Variants in SAMD4A observed in about 807,000 individuals in gnomAD.
SAMD4A encodes sterile alpha motif domain containing 4A.
SAMD4A carries 33 observed loss-of-function variants against 81.3 expected under a neutral mutation model. The ratio of observed to expected loss-of-function variants is 0.41; its 90% CI spans 0.31 to 0.54. The LOEUF is 0.54. SAMD4A is among the 20% of genes least tolerant of loss of function. The pLI is 0.37. For synonymous variants in SAMD4A, 389 were observed against 382.1 expected (o/e 1.02, Z -0.21); for missense variants, 854 against 951.1 (o/e 0.90, Z 1.34).
chr14:54,743,896 G>C (rs920387258), intron 4 of SAMD4A, among the ~76,000 whole-genome samples: 5 of 152,248 alleles, frequency 3.3e-5, no homozygotes, highest in African/African-American at 1.2e-4. Flanking sequence ...ACAAGCTTCT[G>C]TAACCTTGAC....
At chr14:54,760,857 C>T (rs1455773736) in intron 7 of SAMD4A, among the ~76,000 whole-genome samples, 1 of 152,192 alleles carries the variant, frequency 6.6e-6, no homozygotes, top group Non-Finnish European at 1.5e-5. Context: ...CTCAGCATCT[C>T]ACCCTCTCTC....
chr14:54,590,021 T>G (rs1309933198), intron 2 of SAMD4A, among the ~76,000 whole-genome samples: 2 of 152,234 alleles, frequency 1.3e-5, no homozygotes, highest in Non-Finnish European at 2.9e-5. Flanking sequence ...GTCCATGAGA[T>G]GAGGGTGCTG....
chr14:54,749,267 G>T (rs61977005), intron 5 of SAMD4A, among the ~76,000 whole-genome samples: 10,063 of 152,228 alleles, frequency 0.066, 490 homozygotes, highest in Non-Finnish European at 0.094. Flanking sequence ...ATGCCACAAA[G>T]AATCTACATC....
chr14:54,783,577 T>C (rs2039057217), intron 11 of SAMD4A, among the ~76,000 whole-genome samples: 1 of 152,240 alleles, frequency 6.6e-6, no homozygotes, highest in Non-Finnish European at 1.5e-5. Flanking sequence ...AGTGGGTGTC[T>C]CAGCCCTTGA....
rs753778654 is a variant in SAMD4A, at chr14:54,737,178, C to G, written c.870C>G (p.Pro290=). 13 of 1,614,104 alleles carry G rather than the reference C, an allele frequency of 8.1e-6. No homozygotes were observed. The highest frequency in any genetic ancestry group is 4.5e-5 in the East Asian group (2 of 44,878). Residue 290 remains proline (P), a synonymous_variant, in exon 4 of 13, where the codon CCC becomes CCG. Transcript: ENST00000554335. ...AGTGCCTCCCATCCGATCATGCCCC[C>G]CTGTCTCCACAAAGCAGTGTAGCCT... ...GPQCLPSDHA[P]LSPQSSVASS... is the part of the protein sequence containing the mutation.
intron 2 of SAMD4A, among the ~76,000 whole-genome samples, chr14:54,660,948 A>G (rs1212495947): frequency 2.0e-5 from 3 of 152,216 alleles, no homozygotes; most frequent in Admixed American, 6.5e-5. Context: ...TACACTATTC[A>G]GGCATCTTTT....
chr14:54,571,339 C>A (rs1475084529), intron 2 of SAMD4A, among the ~76,000 whole-genome samples: 1 of 152,152 alleles, frequency 6.6e-6, no homozygotes, highest in Non-Finnish European at 1.5e-5. Context: ...TTCCCAGGAT[C>A]CTTATAACCT....
At chr14:54,772,852 T>G (rs2038742472) in intron 9 of SAMD4A, among the ~76,000 whole-genome samples, 1 of 151,566 alleles carries the variant, frequency 6.6e-6, no homozygotes, top group African/African-American at 2.4e-5. Flanking sequence ...TCGGCCCTTG[T>G]CTCTACCTCA....
chr14:54,582,442 A>T (rs1007339489), intron 2 of SAMD4A, among the ~76,000 whole-genome samples: 5 of 152,196 alleles, frequency 3.3e-5, no homozygotes, highest in Non-Finnish European at 7.4e-5. Context: ...GACAAAGAAG[A>T]TGCCTCAAAG....
At chr14:54,576,001 CTT>C (rs57819180) in intron 2 of SAMD4A, among the ~76,000 whole-genome samples, 4 of 79,992 alleles carry the variant, frequency 5.0e-5, no homozygotes, top group Non-Finnish European at 6.7e-5. Flanking sequence ...TTCTTTCTTT[CTT>C]TTTTTTTTTT....
At chr14:54,569,537 G>T (rs910402975) in intron 2 of SAMD4A, among the ~76,000 whole-genome samples, 3 of 152,170 alleles carry the variant, frequency 2.0e-5, no homozygotes, top group Non-Finnish European at 4.4e-5. Flanking sequence ...CGATGACAGG[G>T]CCCCCTTTGG....
intron 5 of SAMD4A, 61 bp from the exon 6 acceptor site, chr14:54,751,390 C>A: frequency 8.9e-7 from 1 of 1,125,612 alleles, no homozygotes; most frequent in Non-Finnish European, 1.3e-6. Flanking sequence ...AATCTGTAAG[C>A]TGATTCTTAA....
intron 2 of SAMD4A, among the ~76,000 whole-genome samples, chr14:54,666,181 C>T (rs908205296): frequency 6.6e-6 from 1 of 152,098 alleles, no homozygotes; most frequent in African/African-American, 2.4e-5. Flanking sequence ...TGTTCTGGGC[C>T]ACTGAGGTGA....
chr14:54,723,177 T>C (rs2037306506), intron 3 of SAMD4A, among the ~76,000 whole-genome samples: 1 of 152,100 alleles, frequency 6.6e-6, no homozygotes, highest in Admixed American at 6.6e-5. Context: ...ATTTGAAAGA[T>C]TCTGGTTTGA....
intron 2 of SAMD4A, among the ~76,000 whole-genome samples, chr14:54,701,796 C>T (rs1000387458): frequency 1.2e-4 from 19 of 152,192 alleles, no homozygotes; most frequent in African/African-American, 4.6e-4. Flanking sequence ...TTGATTGTAC[C>T]AAAGTAGTTG....
At chr14:54,771,533 C>A (rs753300206) in intron 9 of SAMD4A, among the ~76,000 whole-genome samples, 2 of 152,204 alleles carry the variant, frequency 1.3e-5, no homozygotes. Flanking sequence ...CCCAAGCCCT[C>A]TGGGGTTGCC....
At chr14:54,565,406 C>G (rs898348278), upstream of SAMD4A, among the ~76,000 whole-genome samples, 75 of 152,264 alleles carry the variant, frequency 4.9e-4, no homozygotes, top group Non-Finnish European at 7.1e-4. This position sits in a 1 kb window ranked among gnomAD's most constrained non-coding sequence, Gnocchi z 5.4. Flanking sequence ...CTCAGCCAGG[C>G]GCCGGGCCGG....
At chr14:54,572,993 A>G (rs2033176587) in intron 2 of SAMD4A, among the ~76,000 whole-genome samples, 1 of 152,234 alleles carries the variant, frequency 6.6e-6, no homozygotes, top group African/African-American at 2.4e-5. Flanking sequence ...TCCTAAAAAT[A>G]TGCAGCCCTG....
At chr14:54,760,064 GA>G in intron 6 of SAMD4A, 96 bp from the exon 7 acceptor site, 3 of 1,290,928 alleles carry the variant, frequency 2.3e-6, no homozygotes, top group Non-Finnish European at 3.2e-6. Context: ...CAGCAGCCAC[GA>G]ATCCTGTAAG....
Sources: gnomAD v4.1 joint callset for allele counts (sites outside exome capture counted in the v4.1 genomes callset) on GRCh38, gnomAD v4.1.1 for gene constraint, Gnocchi (gnomAD v3.1) non-coding constraint, MANE v1.5 for transcripts, NCBI Gene and HGNC (gene_info 2026-07-23, HGNC 2026-07-21) for gene names.